PAPPA: variants seen among roughly 807,000 people sequenced by gnomAD.
The protein encoded by PAPPA is pappalysin-1.
A neutral mutation model predicts 164.0 loss-of-function variants in PAPPA; 60 were observed. That is an observed-to-expected ratio of 0.37 (90% CI 0.30 to 0.45). The LOEUF is 0.45. Ranked by LOEUF, PAPPA falls within the 20% of genes least tolerant of loss-of-function variation. The pLI is 1.00. For synonymous variants in PAPPA, 875 were observed against 814.1 expected (o/e 1.07, Z -1.27); for missense variants, 1,782 against 2,087.3 (o/e 0.85, Z 2.85).
At chr9:116,375,218 ATCCCATGACTTT>A (rs1846634387) in intron 19 of PAPPA, among the ~76,000 whole-genome samples, 1 of 152,264 alleles carries the variant, frequency 6.6e-6, no homozygotes, top group South Asian at 2.1e-4. Flanking sequence ...CCCATATCAT[ATCCCATGACTTT>A]TCCCATATAC....
chr9:116,175,503 A>T (rs183482695), intron 1 of PAPPA, among the ~76,000 whole-genome samples: 2 of 152,218 alleles, frequency 1.3e-5, no homozygotes, highest in Non-Finnish European at 2.9e-5. Context: ...AATATACATA[A>T]TTTTTGTCAA....
At chr9:116,155,257 A>T (rs1843587552) in intron 1 of PAPPA, among the ~76,000 whole-genome samples, 1 of 152,162 alleles carries the variant, frequency 6.6e-6, no homozygotes. Context: ...CGGCTGCGAA[A>T]CGGGGCGCTT....
rs538031087 is a variant in PAPPA at position 116,347,027 on chromosome 9, C to T, written c.3782C>T (p.Thr1261Met). Reference protein sequence around the residue: ...RRDDELIKSQTGPSVTVTCTE... With the variant: ...RRDDELIKSQMGPSVTVTCTE... ...ACTATGCACGACTCTGCCTTTCAGA[C>T]GGGACCCAGCGTCACAGTGACCTGT... The change falls in exon 15 of 22, where the codon ACG becomes ATG. Residue 1261 changes from threonine to methionine, a missense_variant and splice_region_variant. Thr to Met is a moderately conservative substitution (Grantham distance 81). This residue lies in a region of PAPPA where 1,324 missense variants were observed against 1,656.9 expected (regional missense o/e 0.80). Coordinates refer to ENST00000328252, the MANE Select transcript of PAPPA (RefSeq NM_002581.5). This position sits in a 1 kb window ranked among gnomAD's most constrained non-coding sequence, Gnocchi z 4.5. 17 of 1,609,252 alleles carry T rather than the reference C, an allele frequency of 1.1e-5. No individual in the cohort carries two copies. The highest frequency in any genetic ancestry group is 3.4e-5 in the Admixed American group (2 of 59,528).
At chr9:116,197,977 A>C (rs1844127212) in intron 2 of PAPPA, among the ~76,000 whole-genome samples, 2 of 152,258 alleles carry the variant, frequency 1.3e-5, no homozygotes, top group East Asian at 3.8e-4. Context: ...CTTCTGAAAT[A>C]ACCCTTGTTC....
chr9:116,255,350 T>C (rs1427633068), intron 7 of PAPPA, among the ~76,000 whole-genome samples: 11 of 152,034 alleles, frequency 7.2e-5, no homozygotes, highest in Admixed American at 5.9e-4. Context: ...AAAATTCAAA[T>C]AATTTCTGCC....
Position 116,187,696 on chromosome 9 carries a change from A to G in PAPPA, c.958A>G (p.Thr320Ala), listed in dbSNP as rs754380498. 4.3e-6 allele frequency: 7 copies of G among 1,614,140 alleles called. No individual in the cohort carries two copies. The African/African-American group carries it at 5.3e-5, about 12-fold the overall frequency. Residue 320 changes from threonine to alanine, a missense_variant, in exon 2 of 22, where the codon ACG (threonine) becomes GCG (alanine). Physicochemically the swap from Thr to Ala is moderately conservative, Grantham distance 58 (BLOSUM62 0). Coordinates refer to ENST00000328252, the MANE Select transcript of PAPPA (RefSeq NM_002581.5). This position sits in a 1 kb window ranked among gnomAD's most constrained non-coding sequence, Gnocchi z 4.2. ...CAATGCCCACGGCTTTCTGCTGGAC[A>G]CGAGTCTGGAGCCTCCTCTGTGCGG... ...FSNAHGFLLD[T>A]SLEPPLCGQT...
At chr9:116,298,257 A>G (rs1339571663) in intron 9 of PAPPA, among the ~76,000 whole-genome samples, 1 of 152,230 alleles carries the variant, frequency 6.6e-6, no homozygotes, top group Non-Finnish European at 1.5e-5. Flanking sequence ...GGCAGTATCA[A>G]CTATGTCTGT....
intron 9 of PAPPA, among the ~76,000 whole-genome samples, chr9:116,293,490 G>A (rs1391172770): frequency 6.6e-6 from 1 of 152,230 alleles, no homozygotes; most frequent in African/African-American, 2.4e-5. Context: ...CAGCCTTTCA[G>A]GCTAAGGAAG....
Position 116,331,270 on chromosome 9 carries a change from C to T in PAPPA, c.3174C>T (p.Leu1058=), listed in dbSNP as rs866699213. Residue 1058 remains leucine (L), a synonymous_variant, in exon 11 of 22, where the codon CTC becomes CTT. Coordinates refer to ENST00000328252, the MANE Select transcript of PAPPA (RefSeq NM_002581.5). ...SQVCRTKVID[L]SEGISQHAWY... ...TGTGTCGAACCAAGGTGATAGATCT[C>T]AGTGAAGGCATTTCCCAGCATGCCT... 6.2e-7 allele frequency: 1 copy of T among 1,611,776 alleles called. No individual in the cohort carries two copies. The highest frequency in any genetic ancestry group is 8.5e-7 in the Non-Finnish European group (1 of 1,177,952).
At chr9:116,324,165 T>C (rs1490297828) in intron 10 of PAPPA, among the ~76,000 whole-genome samples, 1 of 152,210 alleles carries the variant, frequency 6.6e-6, no homozygotes, top group Non-Finnish European at 1.5e-5. Context: ...GAGAGACATG[T>C]GGGCAGGCTC....
At chr9:116,371,677 A>G (rs1846576912) in intron 19 of PAPPA, among the ~76,000 whole-genome samples, 1 of 151,988 alleles carries the variant, frequency 6.6e-6, no homozygotes, top group African/African-American at 2.4e-5. Flanking sequence ...TCCTGTCCTC[A>G]AGTGATCCTT....
chr9:116,163,349 C>T (rs925782495), intron 1 of PAPPA, among the ~76,000 whole-genome samples: 1 of 152,136 alleles, frequency 6.6e-6, no homozygotes, highest in Non-Finnish European at 1.5e-5. Context: ...AGGCCATCAT[C>T]AGAGTAGCTT....
At chr9:116,322,303 G>A (rs1362002500) in intron 10 of PAPPA, among the ~76,000 whole-genome samples, 3 of 151,722 alleles carry the variant, frequency 2.0e-5, no homozygotes, top group African/African-American at 7.3e-5. Context: ...CCAGCTACTC[G>A]GGGGGTGGAG....
chr9:116,348,991 T>G (rs1475215), intron 15 of PAPPA, among the ~76,000 whole-genome samples: 2 of 152,070 alleles, frequency 1.3e-5, no homozygotes, highest in Non-Finnish European at 2.9e-5. Context: ...ATAATGATAA[T>G]AATGACCAGC....
rs537561520 is a variant in PAPPA at position 116,366,698 on chromosome 9, C to A, written c.4496-947C>A. ...GAATGGGGAGCATGGGTAGTGCTGG[C>A]CCTATAGAGTTACAGTCCAGCAGGG... On this transcript the variant is annotated intron_variant, in intron 18 of 21. Coordinates refer to ENST00000328252, the MANE Select transcript of PAPPA (RefSeq NM_002581.5). Among the ~76,000 whole-genome samples the A allele has an allele frequency of 1.2e-3, 179 of 152,254 alleles. 1 individual carries two copies. Among genetic ancestry groups the A allele is most frequent in the African/African-American group, 4.0e-3 (167 of 41,538 alleles).
At chr9:116,286,240 T>C (rs1845337434) in intron 9 of PAPPA, 1 of 152,162 alleles carries the variant, frequency 6.6e-6, no homozygotes, top group Non-Finnish European at 1.5e-5. Context: ...TTTAGAATTT[T>C]AGAAGAATGG....
At chr9:116,300,228 T>TAA (rs1294426014) in intron 9 of PAPPA, among the ~76,000 whole-genome samples, 1 of 151,932 alleles carries the variant, frequency 6.6e-6, no homozygotes, top group African/African-American at 2.4e-5. Flanking sequence ...TTTCTTTTGC[T>TAA]CATTCTTTCT....
In PAPPA at chr9:116,265,837, G is replaced by A. The variant is rs1845061314; in HGVS notation, c.2733-20G>A. ...CCCAGTATTGTAATTGTATAATTAT[G>A]TCTTCTTTGTATTTTCCAGGGATCT... is the stretch of plus-strand genomic sequence containing the variant. On this transcript the variant is annotated intron_variant, in intron 7 of 21. Coordinates refer to ENST00000328252, the MANE Select transcript of PAPPA (RefSeq NM_002581.5). The A allele has an allele frequency of 6.3e-7, 1 of 1,577,582 alleles. No homozygotes were observed. The highest frequency in any genetic ancestry group is 8.7e-7 in the Non-Finnish European group (1 of 1,150,882).
chr9:116,377,738 C>T (rs1438351557), intron 20 of PAPPA, 91 bp downstream of exon 20: 1 of 938,754 alleles, frequency 1.1e-6, no homozygotes, highest in South Asian at 1.4e-5. Flanking sequence ...TATCCTTTGC[C>T]ATACCTACTG....
Sources: gnomAD v4.1 joint callset for allele counts (sites outside exome capture counted in the v4.1 genomes callset) on GRCh38, gnomAD v4.1.1 for gene constraint, gnomAD v4.1.1 regional missense constraint, Gnocchi (gnomAD v3.1) non-coding constraint, MANE v1.5 for transcripts, NCBI Gene and HGNC (gene_info 2026-07-23, HGNC 2026-07-21) for gene names.